Variants in PDE4B observed in about 807,000 individuals in gnomAD.
PDE4B encodes 3',5'-cyclic-AMP phosphodiesterase 4B.
A neutral mutation model predicts 82.2 loss-of-function variants in PDE4B; 20 were observed. The ratio of observed to expected loss-of-function variants is 0.24; its 90% CI spans 0.17 to 0.35. The LOEUF is 0.35. Ranked by LOEUF, PDE4B falls within the 10% of genes least tolerant of loss-of-function variation. The pLI, the probability that PDE4B is intolerant of heterozygous loss-of-function variation, is 1.00. For synonymous variants in PDE4B, 320 were observed against 318.9 expected (o/e 1.00, Z -0.04); for missense variants, 655 against 907.2 (o/e 0.72, Z 3.57).
intron 7 of PDE4B, among the ~76,000 whole-genome samples, chr1:66,310,598 C>T (rs76838923): frequency 7.0e-4 from 106 of 152,134 alleles, no homozygotes; most frequent in Non-Finnish European, 1.4e-3. Context: ...TTTAAATGAC[C>T]AAGTTCATTT....
intron 8 of PDE4B, among the ~76,000 whole-genome samples, chr1:66,339,130 A>C (rs1660766490): frequency 6.6e-6 from 1 of 152,230 alleles, no homozygotes; most frequent in African/African-American, 2.4e-5. Context: ...GGCATGGAAC[A>C]TGACCATAAA....
chr1:66,219,294 C>G (rs1650768236), intron 3 of PDE4B, among the ~76,000 whole-genome samples: 2 of 152,156 alleles, frequency 1.3e-5, no homozygotes, highest in South Asian at 4.1e-4. Context: ...TCATTCAGCT[C>G]TGTTGGCTGC....
intron 3 of PDE4B, among the ~76,000 whole-genome samples, chr1:65,948,234 C>T (rs923036661): frequency 9.2e-5 from 14 of 151,570 alleles, no homozygotes; most frequent in African/African-American, 1.9e-4. Context: ...GTTTGGACTC[C>T]GGTTGCTAGT....
chr1:65,812,688 A>G (rs1476322674), intron 1 of PDE4B, among the ~76,000 whole-genome samples: 1 of 152,176 alleles, frequency 6.6e-6, no homozygotes, highest in Non-Finnish European at 1.5e-5. Flanking sequence ...TTGTGGTTCT[A>G]GGAATTACAT....
chr1:66,264,272 G>T (rs1654882125), intron 6 of PDE4B, among the ~76,000 whole-genome samples: 1 of 152,162 alleles, frequency 6.6e-6, no homozygotes, highest in Non-Finnish European at 1.5e-5. Flanking sequence ...CCAGGCTAAG[G>T]ATTTTGGAAT....
At chr1:66,149,967 T>G (rs1646358403) in intron 3 of PDE4B, among the ~76,000 whole-genome samples, 1 of 152,258 alleles carries the variant, frequency 6.6e-6, no homozygotes, top group South Asian at 2.1e-4. Context: ...TTCTTTGTTA[T>G]GTGGGTAGCC....
rs1012770747 is a variant in PDE4B at position 66,257,302 on chromosome 1, T to C, written c.477-345T>C. ...GTGTCCCTGTGAGCAGCCCTCCCTTTGAATTTCCTGGCTCTGGCAACCAAA... is the reference window on the plus strand; with the variant it reads ...GTGTCCCTGTGAGCAGCCCTCCCTTCGAATTTCCTGGCTCTGGCAACCAAA... On this transcript the variant is annotated intron_variant, in intron 4 of 16. Transcript: ENST00000341517. 1.5e-5 allele frequency: 6 copies of C among 403,914 alleles called. No homozygotes were observed. In the Admixed American group the frequency reaches 2.0e-4, roughly 14 times the overall value. The allele number at this position is 403,914 out of a possible 1,614,324, so 25.0% of individuals were successfully genotyped here.
At chr1:66,152,377 T>A (rs1646414447) in intron 3 of PDE4B, 1 of 169,514 alleles carries the variant, frequency 5.9e-6, no homozygotes, top group African/African-American at 2.4e-5. Context: ...GTTTCTTAAA[T>A]TCTCCCTCTG....
intron 3 of PDE4B, among the ~76,000 whole-genome samples, chr1:66,100,796 T>G (rs566883518): frequency 1.3e-5 from 2 of 152,314 alleles, no homozygotes; most frequent in African/African-American, 2.4e-5. Flanking sequence ...CTTTGTATTT[T>G]AATAGTTAAT....
intron 3 of PDE4B, among the ~76,000 whole-genome samples, chr1:66,174,591 A>G (rs903220630): frequency 4.6e-5 from 7 of 152,026 alleles, no homozygotes; most frequent in African/African-American, 1.7e-4. Context: ...CCCCATCTCT[A>G]CTAGAAATAC....
intron 3 of PDE4B, among the ~76,000 whole-genome samples, chr1:66,013,486 T>C (rs887580240): frequency 1.3e-5 from 2 of 152,164 alleles, no homozygotes; most frequent in African/African-American, 4.8e-5. Context: ...AATTTAAGTG[T>C]GGTGAAACAC....
intron 3 of PDE4B, among the ~76,000 whole-genome samples, chr1:66,156,558 A>G (rs541400621): frequency 3.4e-4 from 51 of 152,200 alleles, no homozygotes; most frequent in Non-Finnish European, 5.7e-4. Context: ...GCATTCTCTA[A>G]TATCTCCATC....
At chr1:65,880,850 A>C (rs1646700799) in intron 1 of PDE4B, among the ~76,000 whole-genome samples, 1 of 152,190 alleles carries the variant, frequency 6.6e-6, no homozygotes. Flanking sequence ...GTAATAGAAG[A>C]AGCCAGGGAA....
chr1:65,935,608 TA>T (rs767904279), intron 3 of PDE4B, among the ~76,000 whole-genome samples: 2 of 152,166 alleles, frequency 1.3e-5, no homozygotes, highest in African/African-American at 4.8e-5. Context: ...AATTCTTAAT[TA>T]AAAAAACTTC....
intron 3 of PDE4B, among the ~76,000 whole-genome samples, chr1:66,017,847 T>C (rs1229868413): frequency 1.4e-4 from 22 of 151,954 alleles, no homozygotes. Flanking sequence ...AATATATATA[T>C]ATATATTCAA....
intron 7 of PDE4B, among the ~76,000 whole-genome samples, chr1:66,307,117 GAGAGAC>G (rs961010849): frequency 1.2e-4 from 19 of 152,192 alleles, no homozygotes; most frequent in African/African-American, 4.3e-4. Context: ...GAGAGGGAGA[GAGAGAC>G]AGAGACAGAG....
chr1:65,863,311 T>C (rs1308690321), intron 1 of PDE4B, among the ~76,000 whole-genome samples: 2 of 152,128 alleles, frequency 1.3e-5, no homozygotes, highest in Non-Finnish European at 2.9e-5. Context: ...AGTTGTGCAG[T>C]TTTTTTGTGA....
At chr1:66,077,315 A>T (rs949685998) in intron 3 of PDE4B, among the ~76,000 whole-genome samples, 1 of 152,150 alleles carries the variant, frequency 6.6e-6, no homozygotes, top group Non-Finnish European at 1.5e-5. Flanking sequence ...TATGCTAAAT[A>T]CTGTGTTCTG....
At chr1:66,038,602 G>A (rs1654188980) in intron 3 of PDE4B, among the ~76,000 whole-genome samples, 1 of 152,118 alleles carries the variant, frequency 6.6e-6, no homozygotes, top group Non-Finnish European at 1.5e-5. Context: ...AATAGGAAAT[G>A]AAGTTGTAGG....
Sources: allele counts gnomAD v4.1 joint callset (sites outside exome capture counted in the v4.1 genomes callset), GRCh38; gene constraint gnomAD v4.1.1; transcripts MANE v1.5; gene names NCBI Gene and HGNC (gene_info 2026-07-23, HGNC 2026-07-21).